TMEM132B: variants seen among roughly 807,000 people sequenced by gnomAD.
The protein encoded by TMEM132B is transmembrane protein 132B.
TMEM132B carries 18 observed loss-of-function variants against 90.8 expected under a neutral mutation model. That is an observed-to-expected ratio of 0.20 (90% CI 0.14 to 0.29). TMEM132B has a LOEUF of 0.29. TMEM132B is among the 10% of genes least tolerant of loss of function. The pLI is 1.00. For missense variants in TMEM132B, 1,096 were observed against 1,326.8 expected (o/e 0.83, Z 2.70); for synonymous variants, 504 against 523.3 (o/e 0.96, Z 0.50).
chr12:125,462,180 G>T (rs974173875), intron 3 of TMEM132B, among the ~76,000 whole-genome samples: 3 of 152,180 alleles, frequency 2.0e-5, no homozygotes, highest in African/African-American at 7.2e-5. Context: ...GGAATAGATC[G>T]CAGGTTGACT....
chr12:125,282,763 AAC>A (rs1875233548), intron 1 of TMEM132B, among the ~76,000 whole-genome samples: 1 of 152,136 alleles, frequency 6.6e-6, no homozygotes, highest in Admixed American at 6.5e-5. Flanking sequence ...CTCTTCTAAT[AAC>A]ACAGAGTCAC....
intron 5 of TMEM132B, among the ~76,000 whole-genome samples, chr12:125,601,767 A>G (rs1885577303): frequency 1.3e-5 from 2 of 151,316 alleles, no homozygotes; most frequent in Non-Finnish European, 2.9e-5. Flanking sequence ...ACAATAAAAA[A>G]TGATAAAGGG....
At chr12:125,482,904 A>G (rs1055605924) in intron 3 of TMEM132B, among the ~76,000 whole-genome samples, 5 of 152,210 alleles carry the variant, frequency 3.3e-5, no homozygotes, top group African/African-American at 4.8e-5. Context: ...ACCATGGAAT[A>G]CTATGCAGCC....
intron 3 of TMEM132B, among the ~76,000 whole-genome samples, chr12:125,473,679 A>G (rs1259461288): frequency 6.6e-6 from 1 of 152,216 alleles, no homozygotes; most frequent in Admixed American, 6.5e-5. Flanking sequence ...ACATTCCACA[A>G]GTAATCTGGG....
intron 3 of TMEM132B, among the ~76,000 whole-genome samples, chr12:125,470,499 T>G (rs1405421812): frequency 2.0e-5 from 3 of 152,238 alleles, no homozygotes; most frequent in Non-Finnish European, 4.4e-5. Flanking sequence ...GTGGAGGATC[T>G]AAGTGACACA....
At chr12:125,491,652 G>A (rs551449252) in intron 3 of TMEM132B, among the ~76,000 whole-genome samples, 1 of 152,344 alleles carries the variant, frequency 6.6e-6, no homozygotes, top group South Asian at 2.1e-4. Flanking sequence ...AACCCACTGT[G>A]GAGTGGAATA....
intron 4 of TMEM132B, among the ~76,000 whole-genome samples, chr12:125,577,469 T>C (rs1187595964): frequency 1.3e-5 from 2 of 150,596 alleles, no homozygotes; most frequent in Admixed American, 1.3e-4. Flanking sequence ...TCATTTATTA[T>C]TTTGTATTAA....
At chr12:125,484,606 C>T (rs1882152058) in intron 3 of TMEM132B, among the ~76,000 whole-genome samples, 1 of 152,032 alleles carries the variant, frequency 6.6e-6, no homozygotes, top group African/African-American at 2.4e-5. Context: ...CTGTCCTGGT[C>T]TCTATGTTGT....
rs549431937 is a variant in TMEM132B at position 125,630,559 on chromosome 12, T to C, written c.1438-13517T>C. The stretch of plus-strand genomic sequence containing the variant: ...CTTAGTTATTCTAGCTAAAAGTTTG[T>C]CAATTTTGTTTAACTTTTCAAAAAA... On this transcript the variant is annotated intron_variant, in intron 5 of 8. Transcript: ENST00000682704. Among the ~76,000 whole-genome samples, 29 of 152,262 alleles carry C rather than the reference T, an allele frequency of 1.9e-4. 2 individuals carry two copies. The South Asian group carries it at 6.0e-3, about 32-fold the overall frequency.
At chr12:125,254,155 G>C (rs1045305862) in intron 1 of TMEM132B, among the ~76,000 whole-genome samples, 2 of 152,140 alleles carry the variant, frequency 1.3e-5, no homozygotes, top group African/African-American at 2.4e-5. Flanking sequence ...CTGGGCCTGT[G>C]GTGCATGTCT....
intron 2 of TMEM132B, among the ~76,000 whole-genome samples, chr12:125,412,828 A>G (rs532522557): frequency 6.6e-6 from 1 of 152,232 alleles, no homozygotes; most frequent in South Asian, 2.1e-4. Flanking sequence ...GGATGCCTCT[A>G]TTTGTGGTTT....
intron 2 of TMEM132B, among the ~76,000 whole-genome samples, chr12:125,399,007 G>T (rs1194440931): frequency 6.6e-6 from 1 of 152,180 alleles, no homozygotes; most frequent in Non-Finnish European, 1.5e-5. Flanking sequence ...GCTGGCTGGT[G>T]CCTGGAGGCT....
chr12:125,483,346 T>C (rs973790134), intron 3 of TMEM132B, among the ~76,000 whole-genome samples: 11 of 152,230 alleles, frequency 7.2e-5, no homozygotes, highest in Non-Finnish European at 1.6e-4. Flanking sequence ...TTTAGTGGTT[T>C]ACAGTCTGTA....
At position 125,275,168 on chromosome 12, in the gene TMEM132B, C is replaced by T. The variant is rs1249742208; in HGVS notation, c.68-74284C>T. Among the ~76,000 whole-genome samples the T allele has an allele frequency of 5.3e-5, 8 of 152,308 alleles. No homozygotes were observed. The East Asian group carries it at 7.7e-4, about 15-fold the overall frequency. On this transcript the variant is annotated intron_variant, in intron 1 of 8. Coordinates refer to ENST00000682704, the MANE Select transcript of TMEM132B (RefSeq NM_001366854.1). ...TGGGCTGGACTTTTCTCTCCTTCCA[C>T]GGAGCTCTGTGATCACCCCAGCTCA... is the stretch of plus-strand genomic sequence containing the variant.
intron 1 of TMEM132B, among the ~76,000 whole-genome samples, chr12:125,345,615 A>G (rs552985839): frequency 3.9e-4 from 59 of 152,190 alleles, no homozygotes; most frequent in African/African-American, 1.4e-3. Flanking sequence ...GCCATCTGCC[A>G]TTGGTATTTT....
intron 2 of TMEM132B, among the ~76,000 whole-genome samples, chr12:125,377,299 G>A (rs1240575281): frequency 6.6e-6 from 1 of 152,240 alleles, no homozygotes. Context: ...AGGTCAAGGA[G>A]CAGCTGAACC....
intron 1 of TMEM132B, among the ~76,000 whole-genome samples, chr12:125,235,070 C>A (rs1873904805): frequency 2.0e-5 from 3 of 152,176 alleles, no homozygotes; most frequent in Non-Finnish European, 4.4e-5. Flanking sequence ...TAACTGTGAT[C>A]CCCCAGTTCC....
intron 4 of TMEM132B, among the ~76,000 whole-genome samples, chr12:125,572,390 G>T (rs1483410967): frequency 6.6e-6 from 1 of 152,102 alleles, no homozygotes; most frequent in Non-Finnish European, 1.5e-5. Context: ...ATTCCTTTTT[G>T]CCCTCTGCCT....
chr12:125,285,346 GA>G (rs1875319970), intron 1 of TMEM132B, among the ~76,000 whole-genome samples: 1 of 152,240 alleles, frequency 6.6e-6, no homozygotes, highest in Non-Finnish European at 1.5e-5. Context: ...GATAGAGTCA[GA>G]GGCAAAGACA....
Sources: gnomAD v4.1 joint callset for allele counts (sites outside exome capture counted in the v4.1 genomes callset) on GRCh38, gnomAD v4.1.1 for gene constraint, MANE v1.5 for transcripts, NCBI Gene and HGNC (gene_info 2026-07-23, HGNC 2026-07-21) for gene names.